MYO1E: variants seen among roughly 807,000 people sequenced by gnomAD.
MYO1E encodes myosin IE.
In MYO1E, 68 loss-of-function variants were observed where a neutral mutation model predicts 151.1. The ratio of observed to expected loss-of-function variants is 0.45; its 90% CI spans 0.37 to 0.55. The LOEUF (loss-of-function observed/expected upper bound fraction) is 0.55. MYO1E is among the 20% of genes least tolerant of loss of function. The pLI is 0.00. For synonymous variants in MYO1E, 601 were observed against 501.7 expected (o/e 1.20, Z -2.64); for missense variants, 1,363 against 1,389.3 (o/e 0.98, Z 0.30).
At chr15:59,369,860 T>A (rs936583385) in intron 1 of MYO1E, among the ~76,000 whole-genome samples, 4 of 152,132 alleles carry the variant, frequency 2.6e-5, no homozygotes, top group African/African-American at 9.7e-5. Flanking sequence ...GCCCTCCTAC[T>A]ATGCTACCAG....
At chr15:59,255,196 C>A (rs2080187104) in intron 4 of MYO1E, among the ~76,000 whole-genome samples, 1 of 151,978 alleles carries the variant, frequency 6.6e-6, no homozygotes, top group Non-Finnish European at 1.5e-5. Context: ...CTCAATGCAG[C>A]CTTGACTTCC....
chr15:59,236,487 T>C, intron 5 of MYO1E, 98 bp downstream of exon 5: 1 of 983,004 alleles, frequency 1.0e-6, no homozygotes, highest in Non-Finnish European at 1.6e-6. Context: ...GAAGAACCAG[T>C]GTCTTTTCTG....
chr15:59,206,101 C>T (rs1566978243), intron 14 of MYO1E, among the ~76,000 whole-genome samples: 1 of 152,060 alleles, frequency 6.6e-6, no homozygotes, highest in Non-Finnish European at 1.5e-5. Flanking sequence ...TTATCATCAG[C>T]AGCCCCACAC....
chr15:59,188,146 G>A lies in MYO1E; in HGVS notation c.1876C>T (p.Arg626Trp), dbSNP rs772923030. Reference protein sequence around the residue: ...IRVRRAGYAYRRIFQKFLQRY... With the variant: ...IRVRRAGYAYWRIFQKFLQRY... ...TGTAGGAATTTTTGGAAGATGCGCC[G>A]ATAGGCATAGCCAGCTCTTCTCACT... The change falls in exon 18 of 28, where the codon CGG becomes TGG. Residue 626 changes from arginine to tryptophan, a missense_variant. By Grantham distance (101) the Arg-to-Trp change is moderately radical. Transcript: ENST00000288235. The A allele has an allele frequency of 1.1e-5, 18 of 1,613,874 alleles. No homozygotes were observed. The highest frequency in any genetic ancestry group is 3.3e-5 in the Admixed American group (2 of 60,006).
chr15:59,342,679 G>A (rs2080772664), intron 1 of MYO1E, among the ~76,000 whole-genome samples: 2 of 152,040 alleles, frequency 1.3e-5, no homozygotes, highest in South Asian at 2.1e-4. Flanking sequence ...GTTGTTTTGT[G>A]GTCTTCTCTT....
At position 59,161,212 on chromosome 15, in the gene MYO1E, T is replaced by C. The variant is rs774581284; in HGVS notation, c.2646A>G (p.Lys882=). Reference sequence around the variant, plus strand: ...CACTCCAGGGGCCCCAGTTTTCCTTTTTCAACTTCAGTTCAAGCCTGCAAA... The same window carrying C: ...CACTCCAGGGGCCCCAGTTTTCCTTCTTCAACTTCAGTTCAAGCCTGCAAA... ...KFSNTLELKL[K]KENWGPWSAG... Residue 882 remains lysine, a synonymous_variant, in exon 24 of 28, where the codon AAA becomes AAG. Transcript: ENST00000288235. 13 of 1,613,788 alleles carry C rather than the reference T, an allele frequency of 8.1e-6. No homozygotes were observed. Among genetic ancestry groups the C allele is most frequent in the African/African-American group, 2.7e-5 (2 of 74,912 alleles).
chr15:59,274,581 A>G (rs2080307249), intron 1 of MYO1E, among the ~76,000 whole-genome samples: 1 of 152,194 alleles, frequency 6.6e-6, no homozygotes, highest in Admixed American at 6.5e-5. Context: ...GAGTTGAATA[A>G]AACACAAGGG....
rs1355725831 is a variant in MYO1E at position 59,136,646 on chromosome 15, C to CAG, written c.*732_*733dup. 2.2e-6 allele frequency: 1 copy of CAG among 455,684 alleles called. No individual in the cohort carries two copies. The highest frequency in any genetic ancestry group is 1.6e-5 in the South Asian group (1 of 64,512). The allele number at this position is 455,684 out of a possible 1,614,324, so 28.2% of individuals were successfully genotyped here. A position where few individuals can be genotyped will look rare whatever the true frequency, so the allele number is the denominator to read the frequency against. On this transcript the variant is annotated 3_prime_UTR_variant, in exon 28 of 28. Transcript: ENST00000288235. ...TATATGATCTGTTTTTATAAATGTA[C>CAG]AGCTTGAAAAAAGATCCTTCTTGTA... is the stretch of plus-strand genomic sequence containing the variant.
intron 1 of MYO1E, among the ~76,000 whole-genome samples, chr15:59,277,564 A>AAAAACAAAAAAAAAAC (rs2080328177): frequency 7.2e-6 from 1 of 139,792 alleles, no homozygotes; most frequent in African/African-American, 2.8e-5. Context: ...AAAAAAAAAA[A>AAAAACAAAAAAAAAAC]AAAAAAAAAC....
At chr15:59,273,502 AC>A (rs1467470096) in intron 1 of MYO1E, among the ~76,000 whole-genome samples, 3 of 152,184 alleles carry the variant, frequency 2.0e-5, no homozygotes, top group Non-Finnish European at 4.4e-5. Flanking sequence ...ACATAAACAC[AC>A]ACAAAATGGG....
intron 1 of MYO1E, among the ~76,000 whole-genome samples, chr15:59,315,112 C>T (rs1358998765): frequency 6.6e-6 from 1 of 152,094 alleles, no homozygotes. Flanking sequence ...GAGAGGAGAC[C>T]CAAAGTCTCC....
At chr15:59,205,315 A>C in intron 15 of MYO1E, 85 bp downstream of exon 15, 1 of 1,330,078 alleles carries the variant, frequency 7.5e-7, no homozygotes, top group Non-Finnish European at 1.1e-6. Context: ...GGAACACACC[A>C]CCACACCCAG....
intron 4 of MYO1E, among the ~76,000 whole-genome samples, chr15:59,251,210 C>G (rs143847547): frequency 0.01 from 1,576 of 152,276 alleles, 33 homozygotes; most frequent in African/African-American, 0.036. Context: ...AGGTGTTCCT[C>G]CTCATAAAAT....
At chr15:59,317,026 G>C (rs1485229198) in intron 1 of MYO1E, among the ~76,000 whole-genome samples, 2 of 152,150 alleles carry the variant, frequency 1.3e-5, no homozygotes, top group East Asian at 3.8e-4. Context: ...TTCTTGCTAG[G>C]AATAGCTTCC....
intron 4 of MYO1E, among the ~76,000 whole-genome samples, chr15:59,249,348 C>G (rs2080150260): frequency 6.7e-6 from 1 of 150,032 alleles, no homozygotes; most frequent in African/African-American, 2.5e-5. Flanking sequence ...TCACTTGTAC[C>G]TGGGAGGCAG....
chr15:59,158,347 C>T lies in MYO1E; in HGVS notation c.2818G>A (p.Gly940Ser), dbSNP rs1202689640. ...PTRRNTTQNT[G>S]YSSGTQNANY... ...GCATTTTGAGTCCCACTGGAATAAC[C>T]TGTATTTTGGGTAGTGTTCCTTCTG... is the stretch of plus-strand genomic sequence containing the variant. Residue 940 changes from glycine to serine, a missense_variant, in exon 25 of 28, where the codon GGT becomes AGT. By Grantham distance (56) the Gly-to-Ser change is moderately conservative. Coordinates refer to ENST00000288235, the MANE Select transcript of MYO1E (RefSeq NM_004998.4). 2 of 1,573,072 alleles carry T rather than the reference C, an allele frequency of 1.3e-6. No homozygotes were observed. Among genetic ancestry groups the T allele is most frequent in the Non-Finnish European group, 1.7e-6 (2 of 1,157,074 alleles).
chr15:59,229,923 T>A (rs1566986219), intron 6 of MYO1E, among the ~76,000 whole-genome samples: 1 of 152,234 alleles, frequency 6.6e-6, no homozygotes, highest in East Asian at 1.9e-4. Context: ...TCTGTTTTTT[T>A]AATTTAACAA....
chr15:59,325,330 C>A (rs530470597), intron 1 of MYO1E, among the ~76,000 whole-genome samples: 2 of 152,232 alleles, frequency 1.3e-5, no homozygotes, highest in South Asian at 4.2e-4. Context: ...CCACAGTGCC[C>A]GGCCAATTGT....
intron 1 of MYO1E, chr15:59,341,504 C>T (rs1174545364): frequency 6.6e-6 from 1 of 152,172 alleles, no homozygotes; most frequent in African/African-American, 2.4e-5. Context: ...AGTTCTCCTT[C>T]CCAGCCTCTG....
Sources: gnomAD v4.1 joint callset for allele counts (sites outside exome capture counted in the v4.1 genomes callset) on GRCh38, gnomAD v4.1.1 for gene constraint, MANE v1.5 for transcripts, NCBI Gene and HGNC (gene_info 2026-07-23, HGNC 2026-07-21) for gene names.